ZFHX3: variants seen among roughly 807,000 people sequenced by gnomAD.
ZFHX3 encodes zinc finger homeobox 3.
ZFHX3 carries 42 observed loss-of-function variants against 279.1 expected under a neutral mutation model. The ratio of observed to expected loss-of-function variants is 0.15; its 90% confidence interval spans 0.12 to 0.19. The LOEUF is 0.19. Ranked by LOEUF, ZFHX3 falls within the 10% of genes least tolerant of loss-of-function variation. The pLI is 1.00. For missense variants in ZFHX3, 4,981 were observed against 4,754.0 expected (o/e 1.05, Z -1.40); for synonymous variants, 2,293 against 1,957.8 (o/e 1.17, Z -4.52).
chr16:73,225,765 T>C (rs958883085), intron 5 of ZFHX3, among the ~76,000 whole-genome samples: 1 of 152,154 alleles, frequency 6.6e-6, no homozygotes, highest in Non-Finnish European at 1.5e-5. Flanking sequence ...ACAGGCTGAA[T>C]AGTGGCCCAT....
At chr16:72,850,797 T>TA (rs1285114366) in intron 4 of ZFHX3, among the ~76,000 whole-genome samples, 8 of 151,614 alleles carry the variant, frequency 5.3e-5, no homozygotes, top group African/African-American at 9.7e-5. Flanking sequence ...AGCCTAAAAT[T>TA]AAAAAAAATA....
At chr16:73,441,413 C>G (rs2018090255) in intron 3 of ZFHX3, among the ~76,000 whole-genome samples, 1 of 152,096 alleles carries the variant, frequency 6.6e-6, no homozygotes, top group South Asian at 2.1e-4. Context: ...TTTGAAAAAC[C>G]AGATGCCAAG....
intron 1 of ZFHX3, among the ~76,000 whole-genome samples, chr16:73,693,616 G>A (rs2053169208): frequency 6.6e-6 from 1 of 152,168 alleles, no homozygotes; most frequent in African/African-American, 2.4e-5. Flanking sequence ...GGGAACGAGA[G>A]AAAAGAAGGG....
At chr16:73,391,164 G>A (rs16971905) in intron 3 of ZFHX3, among the ~76,000 whole-genome samples, 2,416 of 152,282 alleles carry the variant, frequency 0.016, 82 homozygotes, top group African/African-American at 0.055. Context: ...TGCAGTGACT[G>A]TCCAGTGAGT....
At chr16:73,035,805 G>A (rs1964878125) in intron 1 of ZFHX3, among the ~76,000 whole-genome samples, 1 of 152,226 alleles carries the variant, frequency 6.6e-6, no homozygotes, top group Non-Finnish European at 1.5e-5. Flanking sequence ...TCGGGAGGCT[G>A]AGGCAGGAGG....
intron 2 of ZFHX3, among the ~76,000 whole-genome samples, chr16:73,460,855 C>T (rs141417670): frequency 1.3e-5 from 2 of 152,280 alleles, no homozygotes; most frequent in East Asian, 3.9e-4. Context: ...CCTCTGGCTA[C>T]GTGATACACC....
intron 3 of ZFHX3, among the ~76,000 whole-genome samples, chr16:73,390,122 C>T (rs1230374656): frequency 6.6e-6 from 1 of 151,976 alleles, no homozygotes; most frequent in Non-Finnish European, 1.5e-5. Flanking sequence ...TGGCATGCCT[C>T]ACCTTTATAT....
At chr16:73,022,475 T>G (rs923520285) in intron 1 of ZFHX3, among the ~76,000 whole-genome samples, 5 of 152,136 alleles carry the variant, frequency 3.3e-5, no homozygotes, top group African/African-American at 1.2e-4. Flanking sequence ...TCGTTGGGGA[T>G]GAGGGTGGCT....
intron 2 of ZFHX3, among the ~76,000 whole-genome samples, chr16:73,472,850 A>G (rs1282319302): frequency 1.3e-5 from 2 of 152,164 alleles, no homozygotes; most frequent in Non-Finnish European, 2.9e-5. Flanking sequence ...CCAGCCCAGA[A>G]GCATGGTTCC....
chr16:73,258,255 T>C (rs1288755050), intron 4 of ZFHX3, among the ~76,000 whole-genome samples: 1 of 151,988 alleles, frequency 6.6e-6, no homozygotes, highest in East Asian at 1.9e-4. Context: ...TATCACACAA[T>C]TGGCAAGCAT....
At chr16:73,240,914 A>G (rs74028100) in intron 5 of ZFHX3, among the ~76,000 whole-genome samples, 14,279 of 152,230 alleles carry the variant, frequency 0.094, 1,042 homozygotes, top group East Asian at 0.44. Context: ...CCCTTCTTTA[A>G]ATTGTACAAA....
rs562267852 is a variant in ZFHX3, at chr16:73,449,488, C to G, written c.-1291+6515G>C. ...ATCAGCCTGGGCAACATAGCAAGAC[C>G]CCATCTCAAAAAATAACAACAACAA... On this transcript the variant is annotated intron_variant, in intron 3 of 17. Transcript: ENST00000641206. Among the ~76,000 whole-genome samples, 5 of 151,752 alleles carry G rather than the reference C, an allele frequency of 3.3e-5. No homozygotes were observed. In the East Asian group the frequency reaches 5.8e-4, roughly 18 times the overall value.
chr16:72,894,315 A>G (rs1447535677), intron 3 of ZFHX3, among the ~76,000 whole-genome samples: 1 of 152,110 alleles, frequency 6.6e-6, no homozygotes, highest in Non-Finnish European at 1.5e-5. Flanking sequence ...TTATTTCTTA[A>G]GTTGTCCAAC....
rs1247177786 is a variant in ZFHX3 at position 72,784,592 on chromosome 16, GAAAACAA to G, written c.*2565_*2571del. 2.0e-5 allele frequency: 3 copies of G among 151,172 alleles called. No homozygotes were observed. The highest frequency in any genetic ancestry group is 4.4e-5 in the Non-Finnish European group (3 of 67,758). The allele number at this position is 151,172 out of a possible 1,614,324, so 9.4% of individuals were successfully genotyped here. A position where few individuals can be genotyped will look rare whatever the true frequency, so the allele number is the denominator to read the frequency against. ...GAGTTACAAACAAGATAAAATAATG[GAAAACAA>G]AAAACTGTACAACTTTAAAATTTAA... On this transcript the variant is annotated 3_prime_UTR_variant, in exon 10 of 10. Transcript: ENST00000268489.
chr16:73,632,854 A>G (rs1373221122), intron 2 of ZFHX3, among the ~76,000 whole-genome samples: 1 of 152,214 alleles, frequency 6.6e-6, no homozygotes, highest in Non-Finnish European at 1.5e-5. Flanking sequence ...AGGCAGGTAG[A>G]TCACAAGGTC....
chr16:73,129,625 TGTGTGCGTGTGTGC>T (rs1225600144), intron 7 of ZFHX3, among the ~76,000 whole-genome samples: 4 of 151,242 alleles, frequency 2.6e-5, no homozygotes, highest in East Asian at 2.0e-4. Flanking sequence ...TGCATGCAGA[TGTGTGCGTGTGTGC>T]GTGTGCGTGT....
intron 1 of ZFHX3, among the ~76,000 whole-genome samples, chr16:73,009,086 A>G (rs1963819418): frequency 6.6e-6 from 1 of 152,136 alleles, no homozygotes; most frequent in African/African-American, 2.4e-5. Context: ...CAATTACTAC[A>G]TCTTGTAGAT....
intron 1 of ZFHX3, among the ~76,000 whole-genome samples, chr16:73,741,819 G>A (rs532473465): frequency 6.6e-6 from 1 of 152,172 alleles, no homozygotes; most frequent in Non-Finnish European, 1.5e-5. Flanking sequence ...AACATAAGGG[G>A]TATAAAATGG....
chr16:73,184,793 C>T (rs1967875401), intron 5 of ZFHX3, among the ~76,000 whole-genome samples: 1 of 152,158 alleles, frequency 6.6e-6, no homozygotes, highest in African/African-American at 2.4e-5. Flanking sequence ...CAAACGTAAA[C>T]CTGAAAACAT....
Sources: allele counts gnomAD v4.1 joint callset (sites outside exome capture counted in the v4.1 genomes callset), GRCh38; gene constraint gnomAD v4.1.1; transcripts MANE v1.5; gene names NCBI Gene and HGNC (gene_info 2026-07-23, HGNC 2026-07-21).